RANBP10: variants seen among roughly 807,000 people sequenced by gnomAD.
RANBP10 encodes RAN binding protein 10.
A neutral mutation model predicts 72.8 loss-of-function variants in RANBP10; 24 were observed. The observed-to-expected ratio is 0.33, with a 90% CI of 0.24 to 0.46. The LOEUF (loss-of-function observed/expected upper bound fraction) is 0.46. Ranked by LOEUF, RANBP10 falls within the 20% of genes least tolerant of loss-of-function variation. The pLI is 1.00. For missense variants in RANBP10, 679 were observed against 817.5 expected (o/e 0.83, Z 2.07); for synonymous variants, 310 against 322.3 (o/e 0.96, Z 0.41).
intron 5 of RANBP10, 111 bp downstream of exon 5, chr16:67,737,902 C>T: frequency 1.4e-6 from 2 of 1,390,588 alleles, no homozygotes; most frequent in Non-Finnish European, 2.0e-6. Flanking sequence ...GCACACATCC[C>T]TGGTTGGGGA....
At chr16:67,768,298 C>A (rs1466019137) in intron 3 of RANBP10, among the ~76,000 whole-genome samples, 2 of 150,800 alleles carry the variant, frequency 1.3e-5, no homozygotes, top group Non-Finnish European at 3.0e-5. Context: ...GGCAGGCAGA[C>A]TGACTGAGCT....
chr16:67,741,458 G>C (rs2053967835), intron 4 of RANBP10, among the ~76,000 whole-genome samples: 1 of 152,204 alleles, frequency 6.6e-6, no homozygotes, highest in Non-Finnish European at 1.5e-5. Flanking sequence ...CAAAGATCCA[G>C]GATGCAAACG....
intron 2 of RANBP10, among the ~76,000 whole-genome samples, chr16:67,791,072 G>T (rs2055016047): frequency 6.7e-6 from 1 of 149,316 alleles, no homozygotes; most frequent in Non-Finnish European, 1.5e-5. Context: ...GGAGTGCATT[G>T]GCGCAATCTC....
In RANBP10 at chr16:67,729,417, G is replaced by A. The variant is rs1239217721; in HGVS notation, c.1215C>T (p.Tyr405=). Residue 405 remains tyrosine (Y), a synonymous_variant, in exon 10 of 14, where the codon TAC becomes TAT. Coordinates refer to ENST00000317506, the MANE Select transcript of RANBP10 (RefSeq NM_020850.3). This position sits in a 1 kb window ranked among gnomAD's most constrained non-coding sequence, Gnocchi z 7.1. ...ACGAGGATGAGGAGCTGGGTGCAGG[G>A]TATTTACTGTGGTTCTGTTTGCTCT... ...STKSKQNHSK[Y]PAPSSSSSSS... 1.9e-6 allele frequency: 3 copies of A among 1,613,750 alleles called. No homozygotes were observed. Among genetic ancestry groups the A allele is most frequent in the Admixed American group, 3.3e-5 (2 of 59,982 alleles).
intron 3 of RANBP10, among the ~76,000 whole-genome samples, chr16:67,754,132 CAAA>C (rs67996811): frequency 4.4e-5 from 3 of 68,792 alleles, no homozygotes; most frequent in African/African-American, 4.8e-5. Flanking sequence ...GAGTCCTTCT[CAAA>C]AAAAAAAAAA....
At chr16:67,736,453 G>A (rs1017950295) in intron 5 of RANBP10, among the ~76,000 whole-genome samples, 5 of 152,178 alleles carry the variant, frequency 3.3e-5, no homozygotes, top group African/African-American at 9.7e-5. Flanking sequence ...GAGCCAGCGC[G>A]CCTGGCCAAC....
chr16:67,792,433 A>G (rs2055045684), intron 2 of RANBP10, among the ~76,000 whole-genome samples: 1 of 151,908 alleles, frequency 6.6e-6, no homozygotes, highest in Non-Finnish European at 1.5e-5. Context: ...GTAGTGGCGG[A>G]CGCCTGTAGT....
intron 2 of RANBP10, among the ~76,000 whole-genome samples, chr16:67,805,225 C>T (rs12448923): frequency 0.15 from 22,813 of 152,038 alleles, 1,923 homozygotes; most frequent in African/African-American, 0.21. Flanking sequence ...AAAAATAATC[C>T]CTGCTTTACC....
intron 2 of RANBP10, among the ~76,000 whole-genome samples, chr16:67,786,288 CA>C (rs1335739606): frequency 6.6e-6 from 1 of 151,830 alleles, no homozygotes; most frequent in Non-Finnish European, 1.5e-5. Context: ...AAGATTGCAC[CA>C]CTGCACTCCA....
intron 2 of RANBP10, among the ~76,000 whole-genome samples, chr16:67,789,140 T>C (rs2054977798): frequency 6.6e-6 from 1 of 150,816 alleles, no homozygotes; most frequent in Admixed American, 6.6e-5. Context: ...TGAAATGCCA[T>C]CTCTACTAAA....
chr16:67,777,766 A>G (rs1220298613), intron 2 of RANBP10, among the ~76,000 whole-genome samples: 1 of 152,162 alleles, frequency 6.6e-6, no homozygotes, highest in Non-Finnish European at 1.5e-5. Context: ...AAATAGAAAA[A>G]TCCATATGGA....
intron 2 of RANBP10, among the ~76,000 whole-genome samples, chr16:67,801,627 T>C (rs996695789): frequency 6.6e-6 from 1 of 152,098 alleles, no homozygotes; most frequent in African/African-American, 2.4e-5. Flanking sequence ...GCTTGGGTCA[T>C]GGACTAAACC....
chr16:67,735,382 A>T (rs568561902), intron 5 of RANBP10, among the ~76,000 whole-genome samples: 1 of 152,322 alleles, frequency 6.6e-6, no homozygotes, highest in East Asian at 1.9e-4. Flanking sequence ...AGACGTGCCC[A>T]TGAAGGTCTG....
chr16:67,803,505 C>G (rs1438256341), intron 2 of RANBP10, among the ~76,000 whole-genome samples: 2 of 151,906 alleles, frequency 1.3e-5, no homozygotes, highest in African/African-American at 4.8e-5. Context: ...ACAAAATTAG[C>G]CTGGTGTGGT....
chr16:67,726,826 G>C (rs1302072402), intron 13 of RANBP10, among the ~76,000 whole-genome samples: 1 of 152,250 alleles, frequency 6.6e-6, no homozygotes, highest in East Asian at 1.9e-4. Context: ...TGGGCAGACA[G>C]AGGTCAAGGT....
At chr16:67,758,687 GC>G in intron 3 of RANBP10, among the ~76,000 whole-genome samples, 1 of 152,318 alleles carries the variant, frequency 6.6e-6, no homozygotes. Flanking sequence ...TTCAGAACTG[GC>G]CCTCTGCTGT....
At chr16:67,731,232 T>C in intron 7 of RANBP10, 1 of 453,042 alleles carries the variant, frequency 2.2e-6, no homozygotes, top group Non-Finnish European at 4.0e-6. Flanking sequence ...GGGCCTGGCC[T>C]GCGCCCAGCC....
chr16:67,787,480 A>C (rs1212644234), intron 2 of RANBP10, among the ~76,000 whole-genome samples: 1 of 152,202 alleles, frequency 6.6e-6, no homozygotes, highest in Non-Finnish European at 1.5e-5. Flanking sequence ...TAGTTACCCA[A>C]AAAAGTTAAA....
chr16:67,770,454 AT>A (rs2054588109), intron 3 of RANBP10, among the ~76,000 whole-genome samples: 3 of 152,120 alleles, frequency 2.0e-5, no homozygotes, highest in East Asian at 3.9e-4. Context: ...AAAATCAGTG[AT>A]TCACATTAAA....
Sources: allele counts gnomAD v4.1 joint callset (sites outside exome capture counted in the v4.1 genomes callset), GRCh38; gene constraint gnomAD v4.1.1; non-coding constraint Gnocchi (gnomAD v3.1); transcripts MANE v1.5; gene names NCBI Gene and HGNC (gene_info 2026-07-23, HGNC 2026-07-21).